The following HRH2 variants were observed in gnomAD, a reference collection of about 807,000 sequenced individuals.
HRH2 encodes histamine H2 receptor.
A neutral mutation model predicts 20.1 loss-of-function variants in HRH2; 4 were observed. The ratio of observed to expected loss-of-function variants is 0.20; its 90% CI spans 0.10 to 0.45. The LOEUF is 0.45. Among genes scored for constraint, HRH2 ranks in the 20% least tolerant of loss-of-function variants. The pLI is 0.99. For missense variants in HRH2, 250 were observed against 461.6 expected (o/e 0.54, Z 4.20); for synonymous variants, 197 against 200.7 (o/e 0.98, Z 0.16).
intron 1 of HRH2, among the ~76,000 whole-genome samples, chr5:175,671,078 T>A (rs1755520196): frequency 6.6e-6 from 1 of 152,196 alleles, no homozygotes; most frequent in Non-Finnish European, 1.5e-5. Flanking sequence ...ACGTCTAATG[T>A]CTGTTGAGAG....
At chr5:175,684,710 C>T (rs1756107421) in intron 2 of HRH2, among the ~76,000 whole-genome samples, 1 of 152,208 alleles carries the variant, frequency 6.6e-6, no homozygotes, top group Admixed American at 6.5e-5. Flanking sequence ...AACCATGTCA[C>T]CAATGCTGCC....
chr5:175,702,612 C>T (rs1473528275), intron 2 of HRH2, among the ~76,000 whole-genome samples: 5 of 136,734 alleles, frequency 3.7e-5, no homozygotes, highest in Non-Finnish European at 7.6e-5. Context: ...AGTGCAGTGA[C>T]GCGATCTCGG....
At chr5:175,667,520 C>T (rs906711582) in intron 1 of HRH2, among the ~76,000 whole-genome samples, 11 of 145,270 alleles carry the variant, frequency 7.6e-5, no homozygotes, top group Non-Finnish European at 6.0e-5. Context: ...AGTACGACCA[C>T]CCAAAGAAAA....
At chr5:175,658,509 A>G (rs1762635052) in intron 1 of HRH2, among the ~76,000 whole-genome samples, 1 of 151,816 alleles carries the variant, frequency 6.6e-6, no homozygotes, top group Non-Finnish European at 1.5e-5. Context: ...GGATTTGGAA[A>G]GTGCACTTGC....
intron 2 of HRH2, among the ~76,000 whole-genome samples, chr5:175,701,639 GT>G (rs1756789751): frequency 6.6e-6 from 1 of 152,200 alleles, no homozygotes; most frequent in African/African-American, 2.4e-5. Flanking sequence ...ATTGGGTCAT[GT>G]GTCTATCCCT....
At chr5:175,676,851 A>T (rs1581425769) in intron 1 of HRH2, among the ~76,000 whole-genome samples, 1 of 152,308 alleles carries the variant, frequency 6.6e-6, no homozygotes, top group East Asian at 1.9e-4. Context: ...GCACTGGAGG[A>T]TATTATTTTA....
chr5:175,697,185 C>T (rs1561739347), intron 2 of HRH2, among the ~76,000 whole-genome samples: 1 of 152,142 alleles, frequency 6.6e-6, no homozygotes, highest in African/African-American at 2.4e-5. Context: ...GATGCCCGGC[C>T]GGGCGCGGTG....
At position 175,687,344 on chromosome 5, in the gene HRH2, G is replaced by T. The variant is rs534935034; in HGVS notation, c.1076+3035G>T. 6.6e-6 allele frequency among the ~76,000 whole-genome samples: 1 copy of T among 152,158 alleles called. No individual in the cohort carries two copies. Among genetic ancestry groups the T allele is most frequent in the South Asian group, 2.1e-4 (1 of 4,826 alleles). On this transcript the variant is annotated intron_variant, in intron 2 of 2. Transcript: ENST00000636584. This position sits in a 1 kb window ranked among gnomAD's most constrained non-coding sequence, Gnocchi z 5.2. ...CAGCTCTCCGTCTGGGGACAAACCC[G>T]CACTGACCCAGAGCCGTTATCACTG...
At chr5:175,701,360 G>A (rs1756782529) in intron 2 of HRH2, among the ~76,000 whole-genome samples, 1 of 152,180 alleles carries the variant, frequency 6.6e-6, no homozygotes, top group African/African-American at 2.4e-5. Flanking sequence ...GGGTTTGGGA[G>A]ATAGGTAACT....
rs186795560 is a variant in HRH2, at chr5:175,662,090, G to A, written c.-526+3935G>A. ...GAGCTTACAGACAGTGGGGTGTGGC[G>A]AGAGTGGTGTGTAAGCAGGGTCCTC... On this transcript the variant is annotated intron_variant, in intron 1 of 2. Transcript: ENST00000636584. 4.8e-3 allele frequency among the ~76,000 whole-genome samples: 727 copies of A among 152,214 alleles called. 4 individuals carry two copies. The highest frequency in any genetic ancestry group is 0.017 in the African/African-American group (694 of 41,536).
chr5:175,687,930 CAGG>C lies in HRH2; in HGVS notation c.1076+3625_1076+3627del, dbSNP rs1756229136. 6.6e-6 allele frequency among the ~76,000 whole-genome samples: 1 copy of C among 152,208 alleles called. No individual in the cohort carries two copies. On this transcript the variant is annotated intron_variant, in intron 2 of 2. Coordinates refer to ENST00000636584, the MANE Select transcript of HRH2 (RefSeq NM_001367711.1). This position sits in a 1 kb window ranked among gnomAD's most constrained non-coding sequence, Gnocchi z 5.2. ...CAACACACGTTATTCCGTTGCAGTT[CAGG>C]AGGCCAGATGTCTGAGATCAAGGTG...
chr5:175,683,266 C>T lies in HRH2; in HGVS notation c.33C>T (p.Cys11=). Residue 11 remains cysteine, a synonymous_variant, in exon 2 of 3, where the codon TGC becomes TGT. Transcript: ENST00000636584. MAPNGTASSF[C]LDSTACKITI... is the part of the protein sequence containing the mutation. ...CCAATGGCACAGCCTCTTCCTTTTGCCTGGACTCTACCGCATGCAAGATCA... is the reference window on the plus strand; with the variant it reads ...CCAATGGCACAGCCTCTTCCTTTTGTCTGGACTCTACCGCATGCAAGATCA... 1.2e-6 allele frequency: 2 copies of T among 1,614,128 alleles called. No individual in the cohort carries two copies. Among genetic ancestry groups the T allele is most frequent in the South Asian group, 1.1e-5 (1 of 91,082 alleles).
rs566759063 is a variant in HRH2, at chr5:175,687,659, C to T, written c.1076+3350C>T. Among the ~76,000 whole-genome samples, 3 of 152,236 alleles carry T rather than the reference C, an allele frequency of 2.0e-5. No individual in the cohort carries two copies. The highest frequency in any genetic ancestry group is 1.9e-4 in the East Asian group (1 of 5,162). ...GGCTGCCTTATGGGCAGACACCATC[C>T]GCCCCTTCCTGACCCCTACTGTCCA... On this transcript the variant is annotated intron_variant, in intron 2 of 2. Transcript: ENST00000636584. The surrounding 1 kb of genome is among the most constrained non-coding windows in gnomAD (Gnocchi z 5.2).
chr5:175,668,456 G>C lies in HRH2; in HGVS notation c.-526+10301G>C, dbSNP rs567152577. On this transcript the variant is annotated intron_variant, in intron 1 of 2. Transcript: ENST00000636584. ...AGGAAGTTGGCTCTAGAAGGGTCTT[G>C]ATCTTGACCCCATACACGTGTCAAC... is the stretch of plus-strand genomic sequence containing the variant. 2.0e-5 allele frequency among the ~76,000 whole-genome samples: 3 copies of C among 152,268 alleles called. No homozygotes were observed. The East Asian group carries it at 5.8e-4, about 29-fold the overall frequency.
chr5:175,676,913 A>T (rs1227681996), intron 1 of HRH2, among the ~76,000 whole-genome samples: 2 of 152,210 alleles, frequency 1.3e-5, no homozygotes, highest in African/African-American at 4.8e-5. Flanking sequence ...ACAAGATTTC[A>T]TTCTTTTTTA....
At chr5:175,692,262 A>G (rs1257168876) in intron 2 of HRH2, among the ~76,000 whole-genome samples, 4 of 152,264 alleles carry the variant, frequency 2.6e-5, no homozygotes, top group Non-Finnish European at 5.9e-5. Context: ...ATAAAACTGT[A>G]TATTTATGAA....
Position 175,690,986 on chromosome 5 carries a change from C to T in HRH2, c.1076+6677C>T, listed in dbSNP as rs148536366. On this transcript the variant is annotated intron_variant, in intron 2 of 2. Coordinates refer to ENST00000636584, the MANE Select transcript of HRH2 (RefSeq NM_001367711.1). ...TTTTCCCTCCCGTCTGTTTCTCTTT[C>T]CTTCCCTTTCTTCCATCCAAGGGCC... Among the ~76,000 whole-genome samples, 525 of 152,302 alleles carry T rather than the reference C, an allele frequency of 3.4e-3. 2 individuals carry two copies. The highest frequency in any genetic ancestry group is 0.012 in the African/African-American group (497 of 41,564).
intron 2 of HRH2, among the ~76,000 whole-genome samples, chr5:175,694,415 T>A (rs1006764190): frequency 6.6e-6 from 1 of 152,032 alleles, no homozygotes; most frequent in African/African-American, 2.4e-5. Context: ...CTTGTCAGCT[T>A]CTCTATCCAT....
At chr5:175,658,746 G>A (rs1404998890) in intron 1 of HRH2, among the ~76,000 whole-genome samples, 1 of 152,114 alleles carries the variant, frequency 6.6e-6, no homozygotes, top group Non-Finnish European at 1.5e-5. Context: ...AACAGGCAGC[G>A]CTCAGCGGGT....
Sources: gnomAD v4.1 joint callset for allele counts (sites outside exome capture counted in the v4.1 genomes callset) on GRCh38, gnomAD v4.1.1 for gene constraint, Gnocchi (gnomAD v3.1) non-coding constraint, MANE v1.5 for transcripts, NCBI Gene and HGNC (gene_info 2026-07-23, HGNC 2026-07-21) for gene names.